BAZ2B: variants seen among roughly 807,000 people sequenced by gnomAD.
The protein encoded by BAZ2B is bromodomain adjacent to zinc finger domain protein 2B.
Under a neutral mutation model 246.0 loss-of-function variants are expected in BAZ2B, and 91 were observed. The observed-to-expected ratio is 0.37, with a 90% CI of 0.31 to 0.44. BAZ2B has a LOEUF of 0.44. Among genes scored for constraint, BAZ2B ranks in the 20% least tolerant of loss-of-function variants. The probability of loss-of-function intolerance (pLI) is 1.00; values close to 1 mark genes in which losing one functional copy is unlikely to be tolerated. For synonymous variants in BAZ2B, 855 were observed against 860.0 expected (o/e 0.99, Z 0.10); for missense variants, 2,332 against 2,533.7 (o/e 0.92, Z 1.71).
intron 2 of BAZ2B, among the ~76,000 whole-genome samples, chr2:159,517,743 C>T (rs1027403070): frequency 6.6e-6 from 1 of 152,016 alleles, no homozygotes; most frequent in Admixed American, 6.6e-5. Flanking sequence ...GAAGACTGTG[C>T]CAAGGGTATA....
rs576575200 is a variant in BAZ2B at position 159,432,809 on chromosome 2, T to A, written c.1848A>T (p.Glu616Asp). 4.9e-5 allele frequency: 79 copies of A among 1,613,776 alleles called. No individual in the cohort carries two copies. In the East Asian group the frequency reaches 1.0e-3, roughly 21 times the overall value. Residue 616 changes from glutamate to aspartate, a missense_variant, in exon 9 of 37, where the codon GAA (glutamate) becomes GAT (aspartate). By Grantham distance (45) the Glu-to-Asp change is conservative. Around this residue, in one of 9 missense-constraint regions of BAZ2B, gnomAD observed 651 missense variants for 650.9 expected, o/e 1.00. Transcript: ENST00000392783. Reference protein sequence around the residue: ...DSNEDEEEDDEEEDEEDDEDD... With the variant: ...DSNEDEEEDDDEEDEEDDEDD... ...CTTCATCATCTTCCTCATCTTCTTCTTCATCATCTTCCTCTTCATCCTCAT... is the reference window on the plus strand; with the variant it reads ...CTTCATCATCTTCCTCATCTTCTTCATCATCATCTTCCTCTTCATCCTCAT...
At chr2:159,658,902 C>A in the BAZ2B span, among the ~76,000 whole-genome samples, 1 of 152,154 alleles carries the variant, frequency 6.6e-6, no homozygotes, top group African/African-American at 2.4e-5. Context: ...AATCCTCCCG[C>A]CTCGACCTCC....
intron 31 of BAZ2B, 47 bp downstream of exon 31, chr2:159,347,439 T>A (rs1347032970): frequency 1.3e-6 from 2 of 1,564,490 alleles, no homozygotes; most frequent in Admixed American, 3.3e-5. Context: ...AAACATTAGT[T>A]ATCTTCCATT....
chr2:159,486,966 T>C (rs902696529), intron 2 of BAZ2B, among the ~76,000 whole-genome samples: 2 of 152,254 alleles, frequency 1.3e-5, no homozygotes, highest in East Asian at 3.9e-4. Flanking sequence ...GATATATTCA[T>C]ATACTTGTAT....
chr2:159,501,175 TA>T (rs1446267297), intron 2 of BAZ2B, among the ~76,000 whole-genome samples: 1 of 85,136 alleles, frequency 1.2e-5, no homozygotes, highest in Admixed American at 1.4e-4. Context: ...TAATATATAT[TA>T]TATATATTTA....
chr2:159,582,039 G>A (rs1448360715), intron 1 of BAZ2B, among the ~76,000 whole-genome samples: 2 of 143,846 alleles, frequency 1.4e-5, no homozygotes, highest in African/African-American at 5.1e-5. Flanking sequence ...TGCACGTTGT[G>A]CACATGTACC....
intron 2 of BAZ2B, among the ~76,000 whole-genome samples, chr2:159,479,127 G>A (rs988961445): frequency 5.3e-5 from 8 of 151,904 alleles, no homozygotes; most frequent in Non-Finnish European, 2.9e-5. Flanking sequence ...TGAATGGTCT[G>A]CCCCCTTATC....
At chr2:159,642,935 C>G in the BAZ2B span, among the ~76,000 whole-genome samples, 1 of 152,128 alleles carries the variant, frequency 6.6e-6, no homozygotes, top group East Asian at 1.9e-4. Context: ...GTATCACTTT[C>G]CTTGGGACAT....
At chr2:159,662,180 T>C in the BAZ2B span, among the ~76,000 whole-genome samples, 3 of 152,242 alleles carry the variant, frequency 2.0e-5, no homozygotes, top group African/African-American at 7.2e-5. Flanking sequence ...TATTCCTTTT[T>C]GTTGGCCAAA....
chr2:159,668,929 G>C, the BAZ2B span, among the ~76,000 whole-genome samples: 3 of 152,090 alleles, frequency 2.0e-5, no homozygotes, highest in Non-Finnish European at 4.4e-5. Context: ...GGTGGTGCAT[G>C]CCTGTGATTC....
At chr2:159,493,683 G>A (rs1412019464) in intron 2 of BAZ2B, among the ~76,000 whole-genome samples, 1 of 152,168 alleles carries the variant, frequency 6.6e-6, no homozygotes, top group South Asian at 2.1e-4. Context: ...TCACTTAAAA[G>A]CTTAAACTAT....
the BAZ2B span, among the ~76,000 whole-genome samples, chr2:159,640,225 G>A: frequency 6.6e-6 from 1 of 151,980 alleles, no homozygotes; most frequent in African/African-American, 2.4e-5. Context: ...TAGAACTAAA[G>A]AGAGAGATAG....
At chr2:159,506,544 T>C (rs2082346116) in intron 2 of BAZ2B, among the ~76,000 whole-genome samples, 1 of 152,188 alleles carries the variant, frequency 6.6e-6, no homozygotes, top group Non-Finnish European at 1.5e-5. Context: ...GAATATCTCC[T>C]GGTACTTGGG....
chr2:159,700,746 T>C, the BAZ2B span, among the ~76,000 whole-genome samples: 33 of 152,314 alleles, frequency 2.2e-4, no homozygotes, highest in Admixed American at 1.5e-3. Context: ...CGTCCTGCCC[T>C]GTATTGTTGT....
chr2:159,367,739 T>C (rs926841327), intron 27 of BAZ2B, among the ~76,000 whole-genome samples: 2 of 151,802 alleles, frequency 1.3e-5, no homozygotes, highest in African/African-American at 2.4e-5. Flanking sequence ...TACAAAAAAA[T>C]TAGCCAGGCA....
chr2:159,354,797 A>G (rs1232851254), intron 27 of BAZ2B, among the ~76,000 whole-genome samples: 1 of 152,236 alleles, frequency 6.6e-6, no homozygotes, highest in Non-Finnish European at 1.5e-5. Context: ...CAATGACTAT[A>G]GATAACCATC....
intron 14 of BAZ2B, among the ~76,000 whole-genome samples, chr2:159,408,270 T>C (rs1283790656): frequency 6.6e-6 from 1 of 152,214 alleles, no homozygotes; most frequent in East Asian, 1.9e-4. Flanking sequence ...ACTCCTGGGC[T>C]CAAGTGATCC....
At chr2:159,666,983 G>T in the BAZ2B span, among the ~76,000 whole-genome samples, 26 of 152,024 alleles carry the variant, frequency 1.7e-4, no homozygotes, top group Non-Finnish European at 2.9e-4. Flanking sequence ...ATGCACGTGG[G>T]ACTTAAAACC....
At chr2:159,468,879 C>G (rs2077412584) in intron 3 of BAZ2B, among the ~76,000 whole-genome samples, 1 of 151,660 alleles carries the variant, frequency 6.6e-6, no homozygotes, top group African/African-American at 2.4e-5. Flanking sequence ...CCCGTCTCTA[C>G]TAAAAATAAA....
Sources: allele counts gnomAD v4.1 joint callset (sites outside exome capture counted in the v4.1 genomes callset), GRCh38; gene constraint gnomAD v4.1.1; regional missense constraint gnomAD v4.1.1; transcripts MANE v1.5; gene names NCBI Gene and HGNC (gene_info 2026-07-23, HGNC 2026-07-21).